Variants in ECT2L observed in about 807,000 individuals in gnomAD.
ECT2L encodes epithelial cell transforming 2 like.
Under a neutral mutation model 122.8 loss-of-function variants are expected in ECT2L, and 126 were observed. The ratio of observed to expected loss-of-function variants is 1.03; its 90% CI spans 0.89 to 1.19. The LOEUF (loss-of-function observed/expected upper bound fraction) is 1.19. Ranked by LOEUF, ECT2L falls within the 50% of genes most tolerant of loss-of-function variation. The pLI is 0.00. For missense variants in ECT2L, 1,012 were observed against 1,064.1 expected (o/e 0.95, Z 0.68); for synonymous variants, 385 against 381.8 (o/e 1.01, Z -0.10).
intron 10 of ECT2L, among the ~76,000 whole-genome samples, chr6:138,854,388 TTATTTA>T (rs1777547810): frequency 6.6e-6 from 1 of 152,138 alleles, no homozygotes; most frequent in Non-Finnish European, 1.5e-5. Flanking sequence ...CCCAGGAGCA[TTATTTA>T]TATTTATTCT....
chr6:138,893,134 C>G (rs1287858294), intron 20 of ECT2L, among the ~76,000 whole-genome samples: 1 of 150,716 alleles, frequency 6.6e-6, no homozygotes, highest in Admixed American at 6.6e-5. Context: ...TCTGTTACTT[C>G]TGGACTGTGA....
chr6:138,883,768 G>A (rs971865178), intron 16 of ECT2L, among the ~76,000 whole-genome samples: 1 of 152,214 alleles, frequency 6.6e-6, no homozygotes, highest in African/African-American at 2.4e-5. Flanking sequence ...GGAACACACT[G>A]GTGCCTAAAT....
chr6:138,830,114 T>A (rs1463601469), intron 4 of ECT2L, among the ~76,000 whole-genome samples: 1 of 152,228 alleles, frequency 6.6e-6, no homozygotes, highest in Non-Finnish European at 1.5e-5. Flanking sequence ...GTTTTGCTTT[T>A]GAATTTTAGG....
At chr6:138,832,474 C>T (rs1776679404) in intron 4 of ECT2L, among the ~76,000 whole-genome samples, 1 of 152,138 alleles carries the variant, frequency 6.6e-6, no homozygotes, top group African/African-American at 2.4e-5. Context: ...CTTATTTTCT[C>T]ACCAGCGTTT....
chr6:138,879,222 G>T (rs980208759), intron 14 of ECT2L: 1 of 295,176 alleles, frequency 3.4e-6, no homozygotes. Context: ...AGTGGTGTAT[G>T]CCTGTTAATC....
intron 16 of ECT2L, among the ~76,000 whole-genome samples, chr6:138,885,177 C>T (rs923853197): frequency 4.6e-5 from 7 of 151,788 alleles, no homozygotes; most frequent in African/African-American, 1.2e-4. Flanking sequence ...TACAGGCGCC[C>T]GCCACCACGC....
intron 8 of ECT2L, among the ~76,000 whole-genome samples, chr6:138,848,137 G>A (rs1242744751): frequency 6.6e-6 from 1 of 152,166 alleles, no homozygotes; most frequent in Admixed American, 6.6e-5. Context: ...CCTCCCACCA[G>A]GTCCCTCCCT....
At chr6:138,800,320 T>C (rs1775498827) in intron 1 of ECT2L, among the ~76,000 whole-genome samples, 1 of 152,206 alleles carries the variant, frequency 6.6e-6, no homozygotes, top group South Asian at 2.1e-4. Context: ...AAAAACTTCA[T>C]GGCACAGTAT....
At chr6:138,829,676 G>A (rs551701217) in intron 4 of ECT2L, among the ~76,000 whole-genome samples, 16 of 151,858 alleles carry the variant, frequency 1.1e-4, no homozygotes, top group African/African-American at 3.9e-4. Context: ...TGTCCTTAAG[G>A]TATGCCACAT....
At chr6:138,853,862 G>A (rs1777529201) in intron 9 of ECT2L, among the ~76,000 whole-genome samples, 164 bp from the exon 10 acceptor site, 1 of 152,220 alleles carries the variant, frequency 6.6e-6, no homozygotes. Context: ...GGACCATGGA[G>A]ATGGCTCCAA....
chr6:138,899,930 A>G (rs1034660759), intron 20 of ECT2L, among the ~76,000 whole-genome samples: 2 of 152,226 alleles, frequency 1.3e-5, no homozygotes, highest in African/African-American at 4.8e-5. Flanking sequence ...ACTAGAGCAC[A>G]GTGAGGCCTG....
intron 10 of ECT2L, among the ~76,000 whole-genome samples, chr6:138,859,412 C>A (rs1005170112): frequency 6.6e-6 from 1 of 152,134 alleles, no homozygotes. Context: ...AGTAGAGTGG[C>A]AAGGTTATAT....
In ECT2L at chr6:138,803,019, T is replaced by G. The variant is rs573172428; in HGVS notation, c.-244+6827T>G. On this transcript the variant is annotated intron_variant, in intron 1 of 21. Coordinates refer to ENST00000541398, the MANE Select transcript of ECT2L (RefSeq NM_001077706.3). ...TGAACCCAGAAGGCAGACATTGCAG[T>G]GAGCCGAGATTGCACCACTTGCACT... Among the ~76,000 whole-genome samples the G allele has an allele frequency of 2.0e-5, 3 of 151,418 alleles. No individual in the cohort carries two copies. In the East Asian group the frequency reaches 5.8e-4, roughly 29 times the overall value.
chr6:138,884,653 A>T (rs1778751355), intron 16 of ECT2L, among the ~76,000 whole-genome samples: 1 of 151,864 alleles, frequency 6.6e-6, no homozygotes, highest in Non-Finnish European at 1.5e-5. Flanking sequence ...AACAAAAAAC[A>T]AAAAAAATAT....
intron 16 of ECT2L, 131 bp from the exon 17 acceptor site, chr6:138,885,371 TAACA>T: frequency 1.3e-6 from 1 of 770,848 alleles, no homozygotes. Flanking sequence ...ATGGCACTAC[TAACA>T]GTCTACTAAT....
chr6:138,900,332 T>C (rs1466919033), intron 20 of ECT2L, among the ~76,000 whole-genome samples: 1 of 152,032 alleles, frequency 6.6e-6, no homozygotes, highest in Non-Finnish European at 1.5e-5. Flanking sequence ...TTCCAATCTC[T>C]GACTCCCAGG....
intron 1 of ECT2L, among the ~76,000 whole-genome samples, chr6:138,805,301 C>T (rs1219706429): frequency 3.9e-5 from 6 of 152,110 alleles, no homozygotes; most frequent in Admixed American, 3.9e-4. Context: ...ATATTTTAGT[C>T]CACATGTATA....
At position 138,827,351 on chromosome 6, in the gene ECT2L, C is replaced by T. The variant is rs184136933; in HGVS notation, c.180-11001C>T. On this transcript the variant is annotated intron_variant, in intron 4 of 21. Transcript: ENST00000541398. ...CAACAGGGTGAGACTCTGTCTCAAA[C>T]AAAACAAAACAAAAAACAGAAAAAA... Among the ~76,000 whole-genome samples the T allele has an allele frequency of 2.1e-3, 307 of 148,346 alleles. 1 individual carries two copies. Among genetic ancestry groups the T allele is most frequent in the Admixed American group, 0.016 (236 of 14,900 alleles).
At chr6:138,869,707 T>C (rs1246196482) in intron 13 of ECT2L, among the ~76,000 whole-genome samples, 1 of 152,216 alleles carries the variant, frequency 6.6e-6, no homozygotes, top group Non-Finnish European at 1.5e-5. Context: ...CCATGTATGA[T>C]ATAATTTGGA....
Sources: gnomAD v4.1 joint callset for allele counts (sites outside exome capture counted in the v4.1 genomes callset) on GRCh38, gnomAD v4.1.1 for gene constraint, MANE v1.5 for transcripts, NCBI Gene and HGNC (gene_info 2026-07-23, HGNC 2026-07-21) for gene names.